Variants in RPS6KC1 observed in about 807,000 individuals in gnomAD.
The protein encoded by RPS6KC1 is inactive ribosomal protein S6 kinase delta-1.
Under a neutral mutation model 103.8 loss-of-function variants are expected in RPS6KC1, and 54 were observed. That is an observed-to-expected ratio of 0.52 (90% CI 0.42 to 0.65). The LOEUF is 0.65. Ranked by LOEUF, RPS6KC1 falls within the 30% of genes least tolerant of loss-of-function variation. The pLI, the probability that RPS6KC1 is intolerant of heterozygous loss-of-function variation, is 0.00. For missense variants in RPS6KC1, 1,151 were observed against 1,253.8 expected, an observed-to-expected ratio of 0.92 and a Z score of 1.24; for synonymous variants, 439 against 438.7, an observed-to-expected ratio of 1.00 and a Z score of -0.01.
the RPS6KC1 span, among the ~76,000 whole-genome samples, chr1:213,281,033 C>T: frequency 6.6e-6 from 1 of 152,032 alleles, no homozygotes; most frequent in Non-Finnish European, 1.5e-5. Flanking sequence ...CCCCTCCCCA[C>T]CCACACACAC....
chr1:213,847,937 TCTC>T, the RPS6KC1 span, among the ~76,000 whole-genome samples: 1 of 151,934 alleles, frequency 6.6e-6, no homozygotes, highest in African/African-American at 2.4e-5. Context: ...TTTAATCTCT[TCTC>T]CTTGATTCTC....
At chr1:213,327,339 T>C in the RPS6KC1 span, among the ~76,000 whole-genome samples, 7 of 151,914 alleles carry the variant, frequency 4.6e-5, no homozygotes, top group South Asian at 4.2e-4. Flanking sequence ...AAAAGCACAA[T>C]ATTATCCAGT....
At chr1:213,856,650 T>C in the RPS6KC1 span, among the ~76,000 whole-genome samples, 1 of 152,244 alleles carries the variant, frequency 6.6e-6, no homozygotes, top group Admixed American at 6.5e-5. Flanking sequence ...GTTATACTCA[T>C]AGAAAATCTA....
At chr1:213,117,292 AAC>A in intron 4 of RPS6KC1, 23 bp from the exon 5 acceptor site, 2 of 1,376,328 alleles carry the variant, frequency 1.5e-6, no homozygotes, top group Non-Finnish European at 2.0e-6. Context: ...ATGCTAATGA[AAC>A]ACAATTGCTC....
chr1:213,807,475 G>C, the RPS6KC1 span, among the ~76,000 whole-genome samples: 2 of 152,108 alleles, frequency 1.3e-5, no homozygotes, highest in African/African-American at 2.4e-5. Flanking sequence ...GGCTTTGTTT[G>C]TTTCTTTTTA....
intron 8 of RPS6KC1, among the ~76,000 whole-genome samples, chr1:213,217,721 T>C (rs1012579983): frequency 5.3e-5 from 8 of 152,188 alleles, no homozygotes; most frequent in South Asian, 2.1e-4. Flanking sequence ...GTTCAACATA[T>C]GCAAATCAAT....
the RPS6KC1 span, among the ~76,000 whole-genome samples, chr1:213,533,674 G>A: frequency 1.3e-5 from 2 of 152,130 alleles, no homozygotes; most frequent in Admixed American, 6.5e-5. Context: ...CCAGCCTCTT[G>A]TTTCCCTGAA....
At chr1:213,634,045 T>C in the RPS6KC1 span, among the ~76,000 whole-genome samples, 24 of 152,064 alleles carry the variant, frequency 1.6e-4, no homozygotes, top group Non-Finnish European at 2.4e-4. Context: ...TAAATATATA[T>C]GCACCCAATA....
chr1:213,571,079 G>A, the RPS6KC1 span, among the ~76,000 whole-genome samples: 14 of 152,318 alleles, frequency 9.2e-5, no homozygotes, highest in South Asian at 2.1e-4. Context: ...CCGAATAGAC[G>A]AATGGCCTCA....
chr1:213,514,206 TAATA>T, the RPS6KC1 span, among the ~76,000 whole-genome samples: 5 of 152,320 alleles, frequency 3.3e-5, no homozygotes, highest in African/African-American at 7.2e-5. Context: ...AGCCTTTGAT[TAATA>T]AATAAATGCT....
intron 6 of RPS6KC1, among the ~76,000 whole-genome samples, chr1:213,158,825 GTGTAGGCT>G (rs2090180691): frequency 6.6e-6 from 1 of 152,104 alleles, no homozygotes; most frequent in African/African-American, 2.4e-5. Flanking sequence ...TAGAAAACTA[GTGTAGGCT>G]TGTAGTTCTT....
At chr1:213,603,867 GAAAAAC>G in the RPS6KC1 span, among the ~76,000 whole-genome samples, 1 of 151,058 alleles carries the variant, frequency 6.6e-6, no homozygotes, top group Non-Finnish European at 1.5e-5. Flanking sequence ...CTCAAAAAAA[GAAAAAC>G]AAAAAAAAGA....
chr1:213,161,517 A>C (rs2090473107), intron 6 of RPS6KC1, among the ~76,000 whole-genome samples: 1 of 151,976 alleles, frequency 6.6e-6, no homozygotes, highest in Admixed American at 6.6e-5. Flanking sequence ...GATGGGGTTT[A>C]ACCATGTTGG....
the RPS6KC1 span, among the ~76,000 whole-genome samples, chr1:213,553,634 A>G: frequency 6.6e-6 from 1 of 152,210 alleles, no homozygotes; most frequent in African/African-American, 2.4e-5. Flanking sequence ...GAGCTAATGT[A>G]CAGCCCCACC....
chr1:213,412,333 G>T, the RPS6KC1 span, among the ~76,000 whole-genome samples: 2 of 152,194 alleles, frequency 1.3e-5, no homozygotes, highest in Non-Finnish European at 2.9e-5. Flanking sequence ...AGTAGAAAAG[G>T]AGAGAGGGAG....
At chr1:213,185,493 CA>C (rs1490116704) in intron 8 of RPS6KC1, among the ~76,000 whole-genome samples, 2 of 151,898 alleles carry the variant, frequency 1.3e-5, no homozygotes, top group Non-Finnish European at 2.9e-5. Flanking sequence ...CTAAAAAATA[CA>C]AAACTTAGCC....
At chr1:213,371,035 G>A in the RPS6KC1 span, among the ~76,000 whole-genome samples, 3 of 152,058 alleles carry the variant, frequency 2.0e-5, no homozygotes, top group South Asian at 6.2e-4. Context: ...ACATTCACAA[G>A]GTTGTGCAGC....
chr1:213,482,517 ATTTTTTTTCAACCTAACTTGAGGTTT>A, the RPS6KC1 span, among the ~76,000 whole-genome samples: 2 of 58,564 alleles, frequency 3.4e-5, no homozygotes, highest in Admixed American at 3.3e-4. Flanking sequence ...CATTGGCTTC[ATTTTTTTTCAACCTAACTTGAGGTTT>A]TTTTTTTTTT....
the RPS6KC1 span, among the ~76,000 whole-genome samples, chr1:213,501,668 G>A: frequency 2.0e-5 from 3 of 151,252 alleles, no homozygotes; most frequent in African/African-American, 7.3e-5. Context: ...CCAGGAGGCA[G>A]GGGCTGCAGT....
Sources: allele counts gnomAD v4.1 joint callset (sites outside exome capture counted in the v4.1 genomes callset), GRCh38; gene constraint gnomAD v4.1.1; transcripts MANE v1.5; gene names NCBI Gene and HGNC (gene_info 2026-07-23, HGNC 2026-07-21).